Variants in EP300 observed in about 807,000 individuals in gnomAD.
EP300 encodes the protein EP300 lysine acetyltransferase, also known as histone acetyltransferase p300.
Under a neutral mutation model 264.0 loss-of-function variants are expected in EP300, and 31 were observed. The observed-to-expected ratio is 0.12, with a 90% CI of 0.09 to 0.16. EP300 has a LOEUF of 0.16. Ranked by LOEUF, EP300 falls within the 10% of genes least tolerant of loss-of-function variation. EP300 has a pLI of 1.00. For missense variants in EP300, 2,766 were observed against 3,052.9 expected (o/e 0.91, Z 2.21); for synonymous variants, 1,340 against 1,045.4 (o/e 1.28, Z -5.44).
chr22:41,169,825 A>G (rs1041661536), intron 26 of EP300, among the ~76,000 whole-genome samples: 1 of 152,158 alleles, frequency 6.6e-6, no homozygotes, highest in Admixed American at 6.5e-5. Context: ...CCCATCCAAC[A>G]TTAGTTTTGT....
intron 21 of EP300, among the ~76,000 whole-genome samples, chr22:41,163,799 A>G (rs577392508): frequency 2.0e-5 from 3 of 152,266 alleles, no homozygotes; most frequent in Non-Finnish European, 4.4e-5. Context: ...TATCCTAGCC[A>G]GGTAGCTGAG....
chr22:41,119,175 A>ATTTTTT (rs1159365617), intron 2 of EP300, among the ~76,000 whole-genome samples: 2 of 112,992 alleles, frequency 1.8e-5, no homozygotes, highest in African/African-American at 4.0e-5. Flanking sequence ...GCTTATTATT[A>ATTTTTT]TTTTTTTTTT....
intron 2 of EP300, among the ~76,000 whole-genome samples, chr22:41,122,157 C>CTTTT (rs71328774): frequency 0.013 from 462 of 35,862 alleles, 15 homozygotes; most frequent in African/African-American, 0.03. Context: ...TCTTCTTCTT[C>CTTTT]TTTTTTTTTT....
chr22:41,124,589 G>T (rs557976047), intron 2 of EP300, among the ~76,000 whole-genome samples: 1 of 151,930 alleles, frequency 6.6e-6, no homozygotes, highest in Admixed American at 6.6e-5. Flanking sequence ...TAGAGCCCGG[G>T]AATTTGAGAC....
chr22:41,124,320 A>T (rs1393058102), intron 2 of EP300, among the ~76,000 whole-genome samples: 1 of 151,994 alleles, frequency 6.6e-6, no homozygotes, highest in Non-Finnish European at 1.5e-5. Context: ...CAGGTGACTT[A>T]ATAGAGCAGC....
chr22:41,098,020 T>C (rs1480961067), intron 1 of EP300, among the ~76,000 whole-genome samples: 1 of 151,894 alleles, frequency 6.6e-6, no homozygotes, highest in Non-Finnish European at 1.5e-5. Flanking sequence ...TTTAATACTT[T>C]TAAGTTTTAG....
Position 41,107,405 on chromosome 22 carries a change from T to A in EP300, c.95-9782T>A, listed in dbSNP as rs926350764. Among the ~76,000 whole-genome samples the A allele has an allele frequency of 5.2e-5, 7 of 135,602 alleles. No homozygotes were observed. In the Admixed American group the frequency reaches 6.0e-4, roughly 12 times the overall value. The allele number at this position is 135,602 out of a possible 152,430, so 89.0% of individuals were successfully genotyped here. On this transcript the variant is annotated intron_variant, in intron 1 of 30. Transcript: ENST00000263253. ...AAGGTAAGTGTGTTTACTCAAATAA[T>A]ATGTGAGCCTTTTAAGTAAAAAAAA... is the stretch of plus-strand genomic sequence containing the variant.
chr22:41,137,856 T>C (rs748692443), intron 8 of EP300, 66 bp downstream of exon 8: 263 of 1,608,056 alleles, frequency 1.6e-4, no homozygotes, highest in Non-Finnish European at 2.2e-4. Flanking sequence ...TTCAATCTCC[T>C]GGGCATTTAA....
chr22:41,131,533 A>T lies in EP300; in HGVS notation c.1428A>T (p.Gln476His). ...ATGCAGCTCTTGGACTACCCTATCAAGTAAATCAGATGCCGACACAACCCC... is the reference window on the plus strand; with the variant it reads ...ATGCAGCTCTTGGACTACCCTATCATGTAAATCAGATGCCGACACAACCCC... The part of the protein sequence containing the change: ...RAYAALGLPY[Q>H]VNQMPTQPQV... Residue 476 changes from glutamine (Q) to histidine (H), a missense_variant, in exon 6 of 31, where the codon CAA becomes CAT. Transcript: ENST00000263253. 1.2e-6 allele frequency: 2 copies of T among 1,614,088 alleles called. No individual in the cohort carries two copies. The highest frequency in any genetic ancestry group is 1.7e-6 in the Non-Finnish European group (2 of 1,180,026).
At chr22:41,162,984 T>G (rs1464464456) in intron 21 of EP300, among the ~76,000 whole-genome samples, 1 of 152,204 alleles carries the variant, frequency 6.6e-6, no homozygotes, top group Non-Finnish European at 1.5e-5. Context: ...GTTCTTAATG[T>G]TGAATGTGAA....
In EP300 at chr22:41,178,685, C is replaced by G; in HGVS notation, c.6974C>G (p.Ser2325Cys). The G allele has an allele frequency of 1.9e-6, 3 of 1,614,180 alleles. No individual in the cohort carries two copies. Among genetic ancestry groups the G allele is most frequent in the South Asian group, 1.1e-5 (1 of 91,086 alleles). ...SPRPQSQPPH[S>C]SPSPRMQPQP... The stretch of plus-strand genomic sequence containing the variant: ...CGGCCACAGTCCCAGCCCCCCCACT[C>G]CAGTCCTTCCCCAAGGATGCAGCCT... Residue 2325 changes from serine to cysteine, a missense_variant, in exon 31 of 31, where the codon TCC becomes TGC. Transcript: ENST00000263253.
At chr22:41,174,800 T>C (rs2059190916) in intron 29 of EP300, 1 of 152,190 alleles carries the variant, frequency 6.6e-6, no homozygotes, top group South Asian at 2.1e-4. Context: ...TGTAATTCCG[T>C]ACCTAAAAAT....
chr22:41,124,205 A>G (rs2058868152), intron 2 of EP300, among the ~76,000 whole-genome samples: 1 of 152,244 alleles, frequency 6.6e-6, no homozygotes, highest in African/African-American at 2.4e-5. Context: ...AAATTGCACC[A>G]CTGCGCCCCA....
chr22:41,103,309 C>A (rs572148933), intron 1 of EP300, among the ~76,000 whole-genome samples: 37 of 152,282 alleles, frequency 2.4e-4, no homozygotes, highest in Non-Finnish European at 4.7e-4. Flanking sequence ...GCACCTTTAT[C>A]TCATTTTAGC....
At position 41,178,715 on chromosome 22, in the gene EP300, C is replaced by G. The variant is rs913553589; in HGVS notation, c.7004C>G (p.Pro2335Arg). 6.2e-7 allele frequency: 1 copy of G among 1,614,208 alleles called. No homozygotes were observed. The highest frequency in any genetic ancestry group is 1.1e-5 in the South Asian group (1 of 91,084). Residue 2335 changes from proline to arginine, a missense_variant, in exon 31 of 31, where the codon CCT becomes CGT. Pro to Arg is a moderately radical substitution (Grantham distance 103, BLOSUM62 -2). Transcript: ENST00000263253. ...SSPSPRMQPQ[P>R]SPHHVSPQTS... ...CCTTCCCCAAGGATGCAGCCTCAGC[C>G]TTCTCCACACCACGTTTCCCCACAG...
At chr22:41,094,467 AG>A (rs1349294208) in intron 1 of EP300, among the ~76,000 whole-genome samples, 1 of 152,228 alleles carries the variant, frequency 6.6e-6, no homozygotes, top group African/African-American at 2.4e-5. Flanking sequence ...ATTGAGAAGT[AG>A]GAATCTTGCG....
intron 2 of EP300, among the ~76,000 whole-genome samples, chr22:41,125,428 GTT>G (rs113266126): frequency 6.7e-6 from 1 of 148,176 alleles, no homozygotes; most frequent in African/African-American, 2.5e-5. Context: ...GTTTTTTGGG[GTT>G]TTTTTTTTGT....
chr22:41,176,700 AAACAATATCT>A (rs1412333189), intron 30 of EP300, 63 bp from the exon 31 acceptor site: 1 of 1,613,064 alleles, frequency 6.2e-7, no homozygotes, highest in African/African-American at 1.3e-5. Flanking sequence ...TTTCTAGCCC[AAACAATATCT>A]AAAATACTTT....
At chr22:41,093,209 A>T in intron 1 of EP300, 111 bp downstream of exon 1, 2 of 1,096,044 alleles carry the variant, frequency 1.8e-6, no homozygotes, top group South Asian at 1.4e-5. Context: ...CCTGCCCCTT[A>T]ATTAATTTTA....
Sources: allele counts gnomAD v4.1 joint callset (sites outside exome capture counted in the v4.1 genomes callset), GRCh38; gene constraint gnomAD v4.1.1; transcripts MANE v1.5; gene names NCBI Gene and HGNC (gene_info 2026-07-23, HGNC 2026-07-21).